PDE10A: variants seen among roughly 807,000 people sequenced by gnomAD.
The protein encoded by PDE10A is cAMP and cAMP-inhibited cGMP 3',5'-cyclic phosphodiesterase 10A.
PDE10A carries 39 observed loss-of-function variants against 97.7 expected under a neutral mutation model. That is an observed-to-expected ratio of 0.40 (90% CI 0.31 to 0.52). PDE10A has a LOEUF of 0.52. PDE10A is among the 20% of genes least tolerant of loss of function. PDE10A has a pLI of 0.56. For missense variants in PDE10A, 731 were observed against 1,047.8 expected (o/e 0.70, Z 4.17); for synonymous variants, 371 against 376.8 (o/e 0.98, Z 0.18).
At chr6:165,541,977 A>C (rs547138244) in intron 2 of PDE10A, among the ~76,000 whole-genome samples, 4 of 152,234 alleles carry the variant, frequency 2.6e-5, no homozygotes, top group Non-Finnish European at 5.9e-5. Flanking sequence ...AATTAGTGAG[A>C]AAAATTACCT....
At chr6:165,449,598 A>G (rs946966476) in intron 4 of PDE10A, among the ~76,000 whole-genome samples, 7 of 152,174 alleles carry the variant, frequency 4.6e-5, no homozygotes, top group Non-Finnish European at 8.8e-5. Flanking sequence ...TGGCAATAAT[A>G]AAAACAACCT....
intron 1 of PDE10A, among the ~76,000 whole-genome samples, chr6:165,869,547 TCC>T (rs1781143548): frequency 6.6e-6 from 1 of 151,696 alleles, no homozygotes; most frequent in African/African-American, 2.4e-5. Flanking sequence ...ATTTGATGCG[TCC>T]CCTATCAAAA....
chr6:165,404,841 A>T (rs1786991989), intron 13 of PDE10A, among the ~76,000 whole-genome samples: 1 of 146,328 alleles, frequency 6.8e-6, no homozygotes, highest in Non-Finnish European at 1.5e-5. Context: ...AAACCACAGT[A>T]CCAAAATGCA....
intron 2 of PDE10A, among the ~76,000 whole-genome samples, chr6:165,539,440 G>A (rs1783290625): frequency 6.6e-6 from 1 of 152,150 alleles, no homozygotes; most frequent in South Asian, 2.1e-4. Context: ...TTCCCTGACA[G>A]GGAAACTACC....
chr6:165,600,297 T>C (rs1786866386), intron 1 of PDE10A, among the ~76,000 whole-genome samples: 1 of 151,292 alleles, frequency 6.6e-6, no homozygotes, highest in African/African-American at 2.4e-5. Context: ...AGAGGGAGAG[T>C]GGCCAGCCAG....
chr6:165,696,027 C>A (rs931226845), intron 1 of PDE10A, among the ~76,000 whole-genome samples: 2 of 152,016 alleles, frequency 1.3e-5, no homozygotes, highest in African/African-American at 4.8e-5. Flanking sequence ...ACTAATGTCA[C>A]CCCAGGGTAA....
chr6:165,811,380 C>T (rs1779279558), intron 1 of PDE10A, among the ~76,000 whole-genome samples: 1 of 152,250 alleles, frequency 6.6e-6, no homozygotes, highest in Admixed American at 6.5e-5. Flanking sequence ...GCCACGCTAG[C>T]CTCTGCAGAG....
chr6:165,375,056 A>G (rs894746788), intron 18 of PDE10A, among the ~76,000 whole-genome samples: 8 of 152,116 alleles, frequency 5.3e-5, no homozygotes, highest in African/African-American at 1.9e-4. Context: ...CTGTTCCCCC[A>G]TCTCCCTCCC....
chr6:165,961,912 T>C (rs925012374), intron 1 of PDE10A, among the ~76,000 whole-genome samples: 9 of 152,332 alleles, frequency 5.9e-5, no homozygotes, highest in African/African-American at 1.9e-4. Flanking sequence ...AGGAAGGACA[T>C]GAACCCAAGT....
intron 1 of PDE10A, among the ~76,000 whole-genome samples, chr6:165,888,135 C>A (rs1216816523): frequency 6.6e-6 from 1 of 152,142 alleles, no homozygotes; most frequent in Non-Finnish European, 1.5e-5. Flanking sequence ...AGTCTTGGCT[C>A]CAACTTACTT....
At chr6:165,495,597 T>G (rs1488306182) in intron 2 of PDE10A, among the ~76,000 whole-genome samples, 1 of 152,190 alleles carries the variant, frequency 6.6e-6, no homozygotes, top group African/African-American at 2.4e-5. Flanking sequence ...TTTACATCAT[T>G]AAATTAATAC....
chr6:165,894,440 G>A (rs756154003), intron 1 of PDE10A: 1 of 455,910 alleles, frequency 2.2e-6, no homozygotes, highest in African/African-American at 2.0e-5. Flanking sequence ...CCTGCATTCA[G>A]GCTCCAAAAA....
chr6:165,922,224 T>C (rs1238286312), intron 1 of PDE10A, among the ~76,000 whole-genome samples: 2 of 152,124 alleles, frequency 1.3e-5, no homozygotes, highest in African/African-American at 4.8e-5. Context: ...CAATTTCCAA[T>C]ATCATTGAGT....
intron 18 of PDE10A, among the ~76,000 whole-genome samples, chr6:165,372,642 C>A (rs892314171): frequency 1.1e-4 from 16 of 150,198 alleles, no homozygotes; most frequent in African/African-American, 3.5e-4. Context: ...TTGTGAAAAT[C>A]GCCATACTGC....
intron 1 of PDE10A, among the ~76,000 whole-genome samples, chr6:165,943,062 G>GCCCTT (rs2128493043): frequency 6.6e-6 from 1 of 151,066 alleles, no homozygotes; most frequent in South Asian, 2.1e-4. Flanking sequence ...GTATTAGTCA[G>GCCCTT]GGTGCTCCAG....
intron 1 of PDE10A, among the ~76,000 whole-genome samples, chr6:165,740,938 G>A (rs1792705859): frequency 6.6e-6 from 1 of 152,078 alleles, no homozygotes; most frequent in African/African-American, 2.4e-5. Context: ...CTGAATTTTT[G>A]TTTTAACTAA....
chr6:165,748,461 G>A (rs1792893336), intron 1 of PDE10A, among the ~76,000 whole-genome samples: 1 of 152,194 alleles, frequency 6.6e-6, no homozygotes, highest in African/African-American at 2.4e-5. Context: ...CCGTAGCTTG[G>A]AATTGTAAAG....
intron 1 of PDE10A, among the ~76,000 whole-genome samples, chr6:165,917,455 G>A (rs959015449): frequency 6.6e-6 from 1 of 152,154 alleles, no homozygotes; most frequent in African/African-American, 2.4e-5. Context: ...AGATAAAATG[G>A]TGGGAAAATT....
intron 1 of PDE10A, among the ~76,000 whole-genome samples, chr6:165,958,716 G>GA (rs773983543): frequency 0.14 from 8,112 of 56,052 alleles, 464 homozygotes; most frequent in East Asian, 0.31. Context: ...AAGAAAGAGA[G>GA]AAGAAAGAAA....
Sources: gnomAD v4.1 joint callset for allele counts (sites outside exome capture counted in the v4.1 genomes callset) on GRCh38, gnomAD v4.1.1 for gene constraint, MANE v1.5 for transcripts, NCBI Gene and HGNC (gene_info 2026-07-23, HGNC 2026-07-21) for gene names.